FAM193B: variants seen among roughly 807,000 people sequenced by gnomAD.
FAM193B encodes the protein protein FAM193B.
Under a neutral mutation model 70.7 loss-of-function variants are expected in FAM193B, and 27 were observed. That is an observed-to-expected ratio of 0.38 (90% confidence interval 0.28 to 0.53). The LOEUF (loss-of-function observed/expected upper bound fraction) is 0.53. Among genes scored for constraint, FAM193B ranks in the 20% least tolerant of loss-of-function variants. The pLI, the probability that FAM193B is intolerant of heterozygous loss-of-function variation, is 0.81. For missense variants in FAM193B, 1,022 were observed against 1,072.5 expected (o/e 0.95, Z 0.66); for synonymous variants, 448 against 436.0 (o/e 1.03, Z -0.34).
At chr5:177,534,632 A>G (rs1388587389) in intron 4 of FAM193B, among the ~76,000 whole-genome samples, 2 of 151,988 alleles carry the variant, frequency 1.3e-5, no homozygotes, top group African/African-American at 4.8e-5. Context: ...CTATTTTGAG[A>G]CTGGCTCTCA....
At chr5:177,552,707 A>C (rs2127496557) in intron 1 of FAM193B, among the ~76,000 whole-genome samples, 1 of 152,238 alleles carries the variant, frequency 6.6e-6, no homozygotes, top group East Asian at 1.9e-4. Flanking sequence ...TGGGGGTCCA[A>C]CCTGGGGAGT....
Position 177,524,221 on chromosome 5 carries a change from TCC to T in FAM193B, c.2258_2259del (p.Arg753GlnfsTer28). The T allele has an allele frequency of 4.5e-6, 7 of 1,548,662 alleles. No individual in the cohort carries two copies. The highest frequency in any genetic ancestry group is 6.1e-6 in the Non-Finnish European group (7 of 1,147,928). ...GCTGGCTTCTCCTGCTTGTTGCGGC[TCC>T]GGCGGCTGCGGCCCTTGCCCTGGGG... ...SLPQGKGRSR[R>X]SRNKQEKPAS... On this transcript the variant is annotated frameshift_variant, in exon 6 of 9. Transcript: ENST00000514747. LOFTEE classifies it high-confidence loss of function.
In FAM193B at chr5:177,536,403, G is replaced by GGCCCACTGCAGT. The variant is rs1428290964; in HGVS notation, c.1019_1030dup (p.His340_Gly343dup). On this transcript the variant is annotated inframe_insertion, in exon 4 of 9. Coordinates refer to ENST00000514747, the MANE Select transcript of FAM193B (RefSeq NM_001190946.3). The stretch of plus-strand genomic sequence containing the variant: ...CTGAGAGCTCGGGGGTGGGAGGAGA[G>GGCCCACTGCAGT]GCCCACTGCAGTGCCCACCACAGTG... 6.2e-7 allele frequency: 1 copy of GGCCCACTGCAGT among 1,608,890 alleles called. No individual in the cohort carries two copies. Among genetic ancestry groups the GGCCCACTGCAGT allele is most frequent in the South Asian group, 1.1e-5 (1 of 90,430 alleles).
chr5:177,525,497 G>A (rs757255856), intron 5 of FAM193B: 17 of 311,814 alleles, frequency 5.5e-5, no homozygotes, highest in Non-Finnish European at 8.8e-5. Context: ...TAATTCCGGA[G>A]TAAAGCCAAA....
At chr5:177,520,670 C>T (rs1196880556) in intron 8 of FAM193B, among the ~76,000 whole-genome samples, 1 of 152,166 alleles carries the variant, frequency 6.6e-6, no homozygotes, top group Non-Finnish European at 1.5e-5. Context: ...CAGAACTGGG[C>T]TTGTGGGAGG....
rs1486083429 is a variant in FAM193B at position 177,524,899 on chromosome 5, G to T, written c.1582C>A (p.Pro528Thr). The T allele has an allele frequency of 1.3e-6, 2 of 1,508,738 alleles. No individual in the cohort carries two copies. The highest frequency in any genetic ancestry group is 1.8e-6 in the Non-Finnish European group (2 of 1,130,020). 93.5% of individuals were successfully genotyped at this position (1,508,738 alleles called of 1,614,324 possible). A position where few individuals can be genotyped will look rare whatever the true frequency, so the allele number is the denominator to read the frequency against. ...GGGGACAGGTCAAGGTTGATGTCAG[G>T]CTGCTGCTCTGAGGAGCCACTGAGG... ...SNLSGSSEQQPDINLDLSPLT... is the reference protein window; with the variant it reads ...SNLSGSSEQQTDINLDLSPLT... The change falls in exon 6 of 9, where the codon CCT (proline) becomes ACT (threonine). Residue 528 changes from proline (P) to threonine (T), a missense_variant. Transcript: ENST00000514747.
At chr5:177,528,580 T>C (rs1248832295) in intron 5 of FAM193B, among the ~76,000 whole-genome samples, 2 of 152,156 alleles carry the variant, frequency 1.3e-5, no homozygotes, top group Non-Finnish European at 2.9e-5. Context: ...GTGACTCTCA[T>C]GACAAGGAAG....
At chr5:177,534,153 C>T (rs1482405174) in intron 4 of FAM193B, among the ~76,000 whole-genome samples, 1 of 152,194 alleles carries the variant, frequency 6.6e-6, no homozygotes, top group Non-Finnish European at 1.5e-5. Flanking sequence ...CAGTCCAAAG[C>T]AGCCCTCTCT....
intron 7 of FAM193B, 111 bp downstream of exon 7, chr5:177,523,846 G>A (rs1762150756): frequency 1.6e-6 from 2 of 1,257,092 alleles, no homozygotes; most frequent in Non-Finnish European, 2.3e-6. Context: ...TCCCCAAGGG[G>A]TCAGGGCCAA....
chr5:177,544,202 G>A (rs2127482917), intron 1 of FAM193B, among the ~76,000 whole-genome samples: 1 of 152,332 alleles, frequency 6.6e-6, no homozygotes, highest in South Asian at 2.1e-4. Context: ...CACATCCCCA[G>A]AGCAGTGAAG....
chr5:177,554,260 G>C lies in FAM193B; in HGVS notation c.199C>G (p.Pro67Ala), dbSNP rs1238922661. The C allele has an allele frequency of 6.8e-7, 1 of 1,478,626 alleles. No individual in the cohort carries two copies. The highest frequency in any genetic ancestry group is 1.5e-5 in the African/African-American group (1 of 68,642). 91.6% of individuals were successfully genotyped at this position (1,478,626 alleles called of 1,614,324 possible). A position where few individuals can be genotyped will look rare whatever the true frequency, so the allele number is the denominator to read the frequency against. ...PREDDEPNLV[P>A]GPQVPPASSQ... ...CCGCTCGCTCCTACCTGCGGGCCGG[G>C]CACCAGGTTGGGTTCGTCATCCTCC... The change falls in exon 1 of 9, where the codon CCC becomes GCC. Residue 67 changes from proline to alanine, a missense_variant. By Grantham distance (27) the Pro-to-Ala change is conservative (BLOSUM62 -1). Transcript: ENST00000514747.
chr5:177,547,527 T>A (rs28645440), intron 1 of FAM193B, among the ~76,000 whole-genome samples: 4 of 150,758 alleles, frequency 2.7e-5, no homozygotes, highest in Non-Finnish European at 5.9e-5. Context: ...CTCGTGATCC[T>A]CCCGTCTCGG....
At position 177,536,763 on chromosome 5, in the gene FAM193B, A is replaced by G; in HGVS notation, c.689-18T>C. ...AGCCTCACCTGTGGGCAGAGGGAGG[A>G]GAAAGGGGTCAGAATGGGAGCCCAG... On this transcript the variant is annotated intron_variant, in intron 3 of 8. Transcript: ENST00000514747. 6.5e-7 allele frequency: 1 copy of G among 1,547,360 alleles called. No individual in the cohort carries two copies. Among genetic ancestry groups the G allele is most frequent in the Non-Finnish European group, 8.7e-7 (1 of 1,146,850 alleles).
chr5:177,531,069 A>G (rs1310364850), intron 5 of FAM193B, among the ~76,000 whole-genome samples: 1 of 152,188 alleles, frequency 6.6e-6, no homozygotes, highest in Admixed American at 6.5e-5. Flanking sequence ...CCAGCAAGCA[A>G]CTTCTCAGGC....
At chr5:177,520,275 G>T in intron 8 of FAM193B, 94 bp from the exon 9 acceptor site, 1 of 152,260 alleles carries the variant, frequency 6.6e-6, no homozygotes, top group East Asian at 1.9e-4. Context: ...TCTGGTAGCA[G>T]AAACAGCTGG....
chr5:177,554,369 C>A lies in FAM193B; in HGVS notation c.90G>T (p.Glu30Asp), dbSNP rs952050218. The change falls in exon 1 of 9, where the codon GAG becomes GAT. Residue 30 changes from glutamate to aspartate, a missense_variant. By Grantham distance (45) the Glu-to-Asp change is conservative. Coordinates refer to ENST00000514747, the MANE Select transcript of FAM193B (RefSeq NM_001190946.3). ...AAGPQKPQAPEPPPPPSLEAG... is the reference protein window; with the variant it reads ...AAGPQKPQAPDPPPPPSLEAG... ...CCTCCAGGCTTGGCGGCGGCGGGGG[C>A]TCGGGCGCCTGGGGCTTCTGCGGCC... 2.9e-5 allele frequency: 35 copies of A among 1,212,500 alleles called. No homozygotes were observed. In the Admixed American group the frequency reaches 6.2e-4, roughly 21 times the overall value. The allele number at this position is 1,212,500 out of a possible 1,614,324, so 75.1% of individuals were successfully genotyped here.
At chr5:177,528,804 G>A (rs561919030) in intron 5 of FAM193B, among the ~76,000 whole-genome samples, 6 of 152,338 alleles carry the variant, frequency 3.9e-5, no homozygotes, top group South Asian at 4.1e-4. Context: ...TGAGAGGCCC[G>A]CCTGGCGACA....
At chr5:177,553,354 G>T in intron 1 of FAM193B, 1 of 993,682 alleles carries the variant, frequency 1.0e-6, no homozygotes, top group Non-Finnish European at 1.2e-6. Context: ...TGCCTTCCTG[G>T]GCAGGCTCAG....
In FAM193B at chr5:177,523,997, C is replaced by A; in HGVS notation, c.2332G>T (p.Glu778Ter). 6.2e-7 allele frequency: 1 copy of A among 1,614,094 alleles called. No individual in the cohort carries two copies. The highest frequency in any genetic ancestry group is 1.1e-5 in the South Asian group (1 of 91,086). ...ACCTCTCGGTCAGTCTCATCCATCT[C>A]CACCCCGTCCATGTCCTTGGGCAGG... ...VFLPKDMDGV[E>*]MDETDREVEY... Residue 778 changes from glutamate to a stop codon, truncating the protein, a stop_gained, in exon 7 of 9, where the codon GAG (glutamate) becomes TAG (stop). Coordinates refer to ENST00000514747, the MANE Select transcript of FAM193B (RefSeq NM_001190946.3). LOFTEE classifies it high-confidence loss of function.
Sources: allele counts gnomAD v4.1 joint callset (sites outside exome capture counted in the v4.1 genomes callset), GRCh38; gene constraint gnomAD v4.1.1; transcripts MANE v1.5; gene names NCBI Gene and HGNC (gene_info 2026-07-23, HGNC 2026-07-21).